Variants in AASDH observed in about 807,000 individuals in gnomAD.
AASDH encodes beta-alanine-activating enzyme.
Under a neutral mutation model 102.3 loss-of-function variants are expected in AASDH, and 81 were observed. The observed-to-expected ratio is 0.79, with a 90% confidence interval of 0.66 to 0.95. AASDH has a LOEUF of 0.95. Among genes scored for constraint, AASDH ranks in the 40% least tolerant of loss-of-function variants. The pLI is 0.00. For missense variants in AASDH, 1,203 were observed against 1,266.2 expected (o/e 0.95, Z 0.76); for synonymous variants, 398 against 454.0 (o/e 0.88, Z 1.57).
intron 5 of AASDH, chr4:56,356,968 T>A (rs1749715733): frequency 8.5e-6 from 4 of 470,112 alleles, no homozygotes; most frequent in Non-Finnish European, 1.1e-5. Context: ...TAAAAATAAT[T>A]AAAATAATAG....
In AASDH at chr4:56,360,460, T is replaced by C. The variant is rs536532142; in HGVS notation, c.862-5037A>G. ...AGCCCCTTCAAACAGACAGAATCTG[T>C]GTGTTGACTGAATTGGGGTGGGGAT... On this transcript the variant is annotated intron_variant, in intron 5 of 14. Transcript: ENST00000205214. Among the ~76,000 whole-genome samples the C allele has an allele frequency of 3.7e-4, 57 of 152,326 alleles. 4 individuals are homozygous for C. Among genetic ancestry groups the C allele is most frequent in the Admixed American group, 3.3e-3 (51 of 15,300 alleles).
intron 1 of AASDH, among the ~76,000 whole-genome samples, chr4:56,386,799 C>CAA (rs386400124): frequency 0.015 from 743 of 48,052 alleles, 30 homozygotes; most frequent in East Asian, 0.043. Context: ...GACTCCGTCT[C>CAA]AAAAAAAAAA....
chr4:56,363,241 G>A (rs866014550), intron 5 of AASDH, among the ~76,000 whole-genome samples: 2 of 152,244 alleles, frequency 1.3e-5, no homozygotes, highest in Non-Finnish European at 2.9e-5. Context: ...CAAACTGGGT[G>A]GAGCCCAGCA....
chr4:56,347,846 C>T (rs1330639586), intron 11 of AASDH, among the ~76,000 whole-genome samples: 2 of 152,022 alleles, frequency 1.3e-5, no homozygotes, highest in Non-Finnish European at 1.5e-5. Flanking sequence ...ATAAAAGATT[C>T]TAGTGTTTTA....
At chr4:56,368,248 G>A (rs950051022) in intron 5 of AASDH, among the ~76,000 whole-genome samples, 1 of 152,156 alleles carries the variant, frequency 6.6e-6, no homozygotes, top group Non-Finnish European at 1.5e-5. Context: ...TGGAGAAATA[G>A]GAACACTTTT....
chr4:56,367,040 A>G (rs867241251), intron 5 of AASDH, among the ~76,000 whole-genome samples: 2,430 of 152,044 alleles, frequency 0.016, 70 homozygotes, highest in African/African-American at 0.055. Context: ...ATACAAAATC[A>G]ATGTACAAAA....
At chr4:56,376,161 T>C (rs1752318319) in intron 4 of AASDH, among the ~76,000 whole-genome samples, 1 of 151,918 alleles carries the variant, frequency 6.6e-6, no homozygotes, top group African/African-American at 2.4e-5. Flanking sequence ...GTTGCTAGGA[T>C]TATAGGCACA....
chr4:56,342,851 G>C lies in AASDH; in HGVS notation c.2891C>G (p.Thr964Ser). ...GCVDGNLLCF[T>S]HFGEQVWQFS... ...TTCTATTACCTGTTCTCCAAAGTGA[G>C]TAAAGCAGAGTAAATTCCCATCTAC... Residue 964 changes from threonine (T) to serine (S), a missense_variant, in exon 14 of 15, where the codon ACT (threonine) becomes AGT (serine). Coordinates refer to ENST00000205214, the MANE Select transcript of AASDH (RefSeq NM_181806.4). 1.4e-6 allele frequency: 2 copies of C among 1,477,366 alleles called. No homozygotes were observed. Among genetic ancestry groups the C allele is most frequent in the East Asian group, 5.1e-5 (2 of 39,310 alleles). The allele number at this position is 1,477,366 out of a possible 1,614,324, so 91.5% of individuals were successfully genotyped here.
intron 2 of AASDH, among the ~76,000 whole-genome samples, chr4:56,382,870 G>A (rs2110011784): frequency 6.6e-6 from 1 of 152,284 alleles, no homozygotes; most frequent in East Asian, 1.9e-4. Flanking sequence ...GGGAGTTGGA[G>A]ACCAGCCTGA....
At chr4:56,359,199 T>C (rs1749994774) in intron 5 of AASDH, among the ~76,000 whole-genome samples, 1 of 151,748 alleles carries the variant, frequency 6.6e-6, no homozygotes, top group South Asian at 2.1e-4. Context: ...ATGTGGCCAC[T>C]GATGTTGCTG....
rs568256630 is a variant in AASDH at position 56,381,137 on chromosome 4, T to C, written c.351+1340A>G. The stretch of plus-strand genomic sequence containing the variant: ...AATACTGATACTCAGCTACCTTTTA[T>C]AAAATTTTCACTAAGATTGCTAAGA... On this transcript the variant is annotated intron_variant, in intron 3 of 14. Transcript: ENST00000205214. Among the ~76,000 whole-genome samples the C allele has an allele frequency of 1.1e-4, 17 of 152,330 alleles. No homozygotes were observed. In the East Asian group the frequency reaches 3.1e-3, roughly 28 times the overall value.
chr4:56,338,897 TTGAA>T (rs1169601109), intron 14 of AASDH, 106 bp from the exon 15 acceptor site: 4 of 1,137,158 alleles, frequency 3.5e-6, no homozygotes, highest in Non-Finnish European at 4.9e-6. Flanking sequence ...TATAGGCTAT[TTGAA>T]TGGTAACTAT....
intron 11 of AASDH, among the ~76,000 whole-genome samples, chr4:56,346,833 A>C (rs1748382957): frequency 6.6e-6 from 1 of 152,026 alleles, no homozygotes; most frequent in South Asian, 2.1e-4. Flanking sequence ...GCTTGAGCCC[A>C]GGAGTTTGAG....
At position 56,344,257 on chromosome 4, in the gene AASDH, C is replaced by T. The variant is rs184603029; in HGVS notation, c.2653-573G>A. Among the ~76,000 whole-genome samples, 23 of 152,206 alleles carry T rather than the reference C, an allele frequency of 1.5e-4. 1 individual carries two copies. The East Asian group carries it at 3.5e-3, about 23-fold the overall frequency. ...ATGATATTGTTACCTATGGTCAAAT[C>T]GTTTTCATTAGAGGCCTCACTAGTT... On this transcript the variant is annotated intron_variant, in intron 12 of 14. Coordinates refer to ENST00000205214, the MANE Select transcript of AASDH (RefSeq NM_181806.4).
rs144373385 is a variant in AASDH at position 56,354,056 on chromosome 4, T to C, written c.1366A>G (p.Ile456Val). 205 of 1,610,694 alleles carry C rather than the reference T, an allele frequency of 1.3e-4. 1 individual carries two copies. Among genetic ancestry groups the C allele is most frequent in the African/African-American group, 1.9e-4 (14 of 74,796 alleles). The change falls in exon 8 of 15, where the codon ATT (isoleucine) becomes GTT (valine). Residue 456 changes from isoleucine (I) to valine (V), a missense_variant. Ile to Val is a conservative substitution (Grantham distance 29). Coordinates refer to ENST00000205214, the MANE Select transcript of AASDH (RefSeq NM_181806.4). ...AGTTCTACCTGTTGCACAAGTTCAA[T>C]GTTAAGACGTTTGCCATGACGTTTG... is the stretch of plus-strand genomic sequence containing the variant. ...QIKRHGKRLN[I>V]ELVQQVAEEL...
intron 12 of AASDH, 109 bp downstream of exon 12, chr4:56,345,018 T>C: frequency 1.7e-6 from 2 of 1,186,568 alleles, no homozygotes; most frequent in Non-Finnish European, 1.2e-6. Flanking sequence ...CTTGGCTCAC[T>C]GCAACCTCCA....
At chr4:56,382,107 A>T (rs568918878) in intron 3 of AASDH, 1 of 155,674 alleles carries the variant, frequency 6.4e-6, no homozygotes, top group African/African-American at 2.4e-5. Flanking sequence ...GAGAAATTCA[A>T]AACAATGCAT....
chr4:56,379,872 G>T (rs1752771351), intron 3 of AASDH, among the ~76,000 whole-genome samples: 3 of 152,188 alleles, frequency 2.0e-5, no homozygotes, highest in Non-Finnish European at 4.4e-5. Flanking sequence ...CGGGGTGGGG[G>T]AGAGGGAAAA....
intron 14 of AASDH, among the ~76,000 whole-genome samples, chr4:56,340,173 A>C (rs1747492036): frequency 6.6e-6 from 1 of 152,218 alleles, no homozygotes; most frequent in South Asian, 2.1e-4. Context: ...CATCTCAAAA[A>C]ATAAAATTAA....
Sources: gnomAD v4.1 joint callset for allele counts (sites outside exome capture counted in the v4.1 genomes callset) on GRCh38, gnomAD v4.1.1 for gene constraint, MANE v1.5 for transcripts, NCBI Gene and HGNC (gene_info 2026-07-23, HGNC 2026-07-21) for gene names.